Variants in APP observed in about 807,000 individuals in gnomAD.
APP encodes the protein amyloid-beta precursor protein.
APP carries 31 observed loss-of-function variants against 101.4 expected under a neutral mutation model. The observed-to-expected ratio is 0.31, with a 90% CI of 0.23 to 0.41. APP has a LOEUF of 0.41. Ranked by LOEUF, APP falls within the 10% of genes least tolerant of loss-of-function variation. The probability of loss-of-function intolerance (pLI) is 1.00; values close to 1 mark genes in which losing one functional copy is unlikely to be tolerated. For missense variants in APP, 839 were observed against 1,003.7 expected, an observed-to-expected ratio of 0.84 and a Z score of 2.22; for synonymous variants, 366 against 364.4, an observed-to-expected ratio of 1.00 and a Z score of -0.05.
intron 1 of APP, among the ~76,000 whole-genome samples, chr21:26,135,576 T>C (rs1424353718): frequency 6.6e-6 from 1 of 152,192 alleles, no homozygotes; most frequent in Non-Finnish European, 1.5e-5. Flanking sequence ...GCAAATTATA[T>C]ACAGAAGGCA....
chr21:26,030,164 A>G (rs1420910239), intron 5 of APP, among the ~76,000 whole-genome samples: 1 of 152,194 alleles, frequency 6.6e-6, no homozygotes, highest in Non-Finnish European at 1.5e-5. Context: ...GACAAATCCA[A>G]GGAGTGGACA....
chr21:26,144,234 G>C (rs996181778), intron 1 of APP, among the ~76,000 whole-genome samples: 1 of 152,058 alleles, frequency 6.6e-6, no homozygotes, highest in African/African-American at 2.4e-5. Context: ...CTACACATGG[G>C]GATTATGGGG....
At chr21:25,899,135 A>G (rs940295629) in intron 15 of APP, among the ~76,000 whole-genome samples, 2 of 152,148 alleles carry the variant, frequency 1.3e-5, no homozygotes, top group Non-Finnish European at 2.9e-5. Flanking sequence ...ACAGATTGTG[A>G]AGCTATCTTC....
At chr21:26,034,140 ACTCACTTT>A (rs1244412884) in intron 5 of APP, among the ~76,000 whole-genome samples, 16 of 152,150 alleles carry the variant, frequency 1.1e-4, no homozygotes, top group African/African-American at 3.6e-4. Flanking sequence ...CCAGATGCCC[ACTCACTTT>A]CTGCATGGAT....
chr21:26,120,919 C>T (rs2062551999), intron 1 of APP, among the ~76,000 whole-genome samples: 1 of 152,204 alleles, frequency 6.6e-6, no homozygotes, highest in Non-Finnish European at 1.5e-5. Flanking sequence ...CTACTGCAAT[C>T]ACACTCCATC....
intron 1 of APP, among the ~76,000 whole-genome samples, chr21:26,116,257 CAGAA>C (rs971875514): frequency 3.9e-5 from 6 of 152,108 alleles, no homozygotes; most frequent in Admixed American, 3.9e-4. Context: ...GTCTTAAAAA[CAGAA>C]AGAAAATATT....
At chr21:25,982,540 C>T (rs1056313263) in intron 8 of APP, 63 bp from the exon 9 acceptor site, 15 of 1,504,592 alleles carry the variant, frequency 1.0e-5, no homozygotes, top group East Asian at 2.3e-5. Flanking sequence ...ATAATCCACT[C>T]GTTTAATAGA....
At chr21:25,982,267 C>T in intron 9 of APP, 77 bp downstream of exon 9, 1 of 1,452,812 alleles carries the variant, frequency 6.9e-7, no homozygotes, top group South Asian at 1.1e-5. Context: ...GCCAGCAGGC[C>T]TGTGGGGAGA....
chr21:25,938,417 C>A (rs1569080675), intron 13 of APP, among the ~76,000 whole-genome samples: 1 of 151,968 alleles, frequency 6.6e-6, no homozygotes, highest in South Asian at 2.1e-4. Context: ...TTCTGAGTCT[C>A]TGCTTCATTT....
chr21:25,887,035 T>C (rs1477518888), intron 17 of APP, among the ~76,000 whole-genome samples: 1 of 143,598 alleles, frequency 7.0e-6, no homozygotes, highest in East Asian at 2.0e-4. Flanking sequence ...AACCAGGAGG[T>C]GGGGGCGGGG....
At chr21:25,966,707 G>A (rs1448606342) in intron 11 of APP, among the ~76,000 whole-genome samples, 3 of 152,156 alleles carry the variant, frequency 2.0e-5, no homozygotes, top group Non-Finnish European at 4.4e-5. Context: ...AAAGTGATGG[G>A]TAGAAATAAT....
intron 3 of APP, among the ~76,000 whole-genome samples, chr21:26,069,989 T>C (rs1471005453): frequency 6.6e-6 from 1 of 152,212 alleles, no homozygotes; most frequent in Non-Finnish European, 1.5e-5. Context: ...CATTACAATA[T>C]TGCTATGAGT....
chr21:25,978,526 A>G (rs2042306934), intron 9 of APP, among the ~76,000 whole-genome samples: 1 of 152,224 alleles, frequency 6.6e-6, no homozygotes, highest in African/African-American at 2.4e-5. Context: ...CTGTGGCTCT[A>G]AAGATCATGT....
chr21:25,891,044 C>T (rs2037663134), intron 17 of APP, among the ~76,000 whole-genome samples: 1 of 152,190 alleles, frequency 6.6e-6, no homozygotes, highest in Non-Finnish European at 1.5e-5. Flanking sequence ...ATCCAAATGG[C>T]ATTTCAAATG....
chr21:25,952,187 T>TACACACACACAC lies in APP; in HGVS notation c.1687+2402_1687+2403insGTGTGTGTGTGT, dbSNP rs1324301529. 4.8e-3 allele frequency among the ~76,000 whole-genome samples: 535 copies of TACACACACACAC among 111,158 alleles called. 6 individuals are homozygous for TACACACACACAC. The highest frequency in any genetic ancestry group is 0.015 in the African/African-American group (506 of 34,394). The allele number at this position is 111,158 out of a possible 152,430, so 72.9% of individuals were successfully genotyped here. ...ATGGGTGGATTGAGAGCATATTACATACATACACACACACACACACACACA... is the reference window on the plus strand; with the variant it reads ...ATGGGTGGATTGAGAGCATATTACATACACACACACACACATACACACACACACACACACACA... On this transcript the variant is annotated intron_variant, in intron 13 of 17. Transcript: ENST00000346798.
At chr21:26,092,677 AC>A (rs1183804957) in intron 2 of APP, among the ~76,000 whole-genome samples, 2 of 152,168 alleles carry the variant, frequency 1.3e-5, no homozygotes, top group Non-Finnish European at 2.9e-5. Context: ...GAAACTATGG[AC>A]TTTGGGTGCT....
intron 3 of APP, among the ~76,000 whole-genome samples, chr21:26,074,006 G>A (rs1265405103): frequency 6.6e-6 from 1 of 151,960 alleles, no homozygotes; most frequent in African/African-American, 2.4e-5. Flanking sequence ...AGCAACATTG[G>A]GAAACTAATT....
At chr21:25,985,927 A>T (rs915284944) in intron 8 of APP, among the ~76,000 whole-genome samples, 2 of 152,190 alleles carry the variant, frequency 1.3e-5, no homozygotes, top group Non-Finnish European at 2.9e-5. Context: ...AGGATAGCAT[A>T]TGCTGATATT....
In APP at chr21:26,000,009, A is replaced by C. The variant is rs1460544274; in HGVS notation, c.1033+6T>G. On this transcript the variant is annotated splice_donor_region_variant and intron_variant, in intron 7 of 17. Transcript: ENST00000346798. ...GGTGGCCAGGCTCGAAGAAGGGTCC[A>C]CTTACTGGCGCTGCCACACACGGCC... 1 of 1,613,956 alleles carries C rather than the reference A, an allele frequency of 6.2e-7. No homozygotes were observed. Among genetic ancestry groups the C allele is most frequent in the Admixed American group, 1.7e-5 (1 of 60,012 alleles).
Sources: allele counts gnomAD v4.1 joint callset (sites outside exome capture counted in the v4.1 genomes callset), GRCh38; gene constraint gnomAD v4.1.1; transcripts MANE v1.5; gene names NCBI Gene and HGNC (gene_info 2026-07-23, HGNC 2026-07-21).